DMD: variants seen among roughly 807,000 people sequenced by gnomAD.
DMD encodes the protein dystrophin, also known as mutant dystrophin.
A neutral mutation model predicts 330.1 loss-of-function variants in DMD; 63 were observed. The ratio of observed to expected loss-of-function variants is 0.19; its 90% CI spans 0.16 to 0.24. DMD has a LOEUF of 0.24. Ranked by LOEUF, DMD falls within the 10% of genes least tolerant of loss-of-function variation. DMD has a pLI of 1.00. For missense variants in DMD, 3,344 were observed against 2,684.1 expected (o/e 1.25, Z -5.43); for synonymous variants, 1,223 against 959.8 (o/e 1.27, Z -5.07).
intron 2 of DMD, among the ~76,000 whole-genome samples, chrX:32,995,235 T>G (rs1314366171): frequency 8.9e-6 from 1 of 112,767 alleles, no homozygotes; most frequent in African/African-American, 3.2e-5. Context: ...TTTAGTTACT[T>G]TTAGGTTTAA....
intron 12 of DMD, among the ~76,000 whole-genome samples, chrX:32,602,470 G>A (rs1330130532): frequency 9.0e-6 from 1 of 111,728 alleles, no homozygotes; most frequent in Non-Finnish European, 1.9e-5. Context: ...GTTTCAGGCA[G>A]AGCACAGAGG....
intron 60 of DMD, among the ~76,000 whole-genome samples, chrX:31,422,313 T>C (rs982143677): frequency 1.8e-5 from 2 of 111,061 alleles, no homozygotes; most frequent in Admixed American, 1.9e-4. Context: ...CCTGGCCAGA[T>C]TGCAGGTATC....
chrX:31,379,038 G>T (rs921587469), intron 60 of DMD, among the ~76,000 whole-genome samples: 1 of 109,870 alleles, frequency 9.1e-6, no homozygotes, highest in African/African-American at 3.3e-5. Flanking sequence ...TTACACATCT[G>T]CCCCTCCCCA....
At chrX:32,723,091 G>A (rs1388671783) in intron 7 of DMD, among the ~76,000 whole-genome samples, 3 of 111,256 alleles carry the variant, frequency 2.7e-5, no homozygotes, top group African/African-American at 6.5e-5. Flanking sequence ...TAGCCTTGAT[G>A]TTGAGGAAAT....
At chrX:31,949,432 G>A (rs1483460471) in intron 45 of DMD, among the ~76,000 whole-genome samples, 1 of 111,196 alleles carries the variant, frequency 9.0e-6, no homozygotes, top group African/African-American at 3.3e-5. Flanking sequence ...TATTTTCTTA[G>A]TATCATTTTC....
At chrX:31,784,986 A>G (rs970290999) in intron 50 of DMD, among the ~76,000 whole-genome samples, 30 of 112,170 alleles carry the variant, frequency 2.7e-4, no homozygotes, top group African/African-American at 9.4e-4. Context: ...TTGCACACTC[A>G]TATTAACTGC....
intron 7 of DMD, among the ~76,000 whole-genome samples, chrX:32,733,353 A>C (rs2148069502): frequency 9.1e-6 from 1 of 109,749 alleles, no homozygotes; most frequent in Non-Finnish European, 1.9e-5. Flanking sequence ...AGACAGATCA[A>C]CGAGACAGAA....
chrX:31,341,891 GCACACACA>G (rs58867858), intron 61 of DMD, among the ~76,000 whole-genome samples: 13 of 98,892 alleles, frequency 1.3e-4, no homozygotes, highest in African/African-American at 2.9e-4. Context: ...GTGCGCGCGC[GCACACACA>G]CACACACACA....
rs754113572 is a variant in DMD at position 31,707,069 on chromosome X, T to A, written c.7660+22562A>T. ...ACCTTTTAATCTCGTTGTTTTTTTTTAAATCTTTTTATTTTTTCTCTGCTA... is the reference window on the plus strand; with the variant it reads ...ACCTTTTAATCTCGTTGTTTTTTTTAAAATCTTTTTATTTTTTCTCTGCTA... On this transcript the variant is annotated intron_variant, in intron 52 of 78. Coordinates refer to ENST00000357033, the MANE Select transcript of DMD (RefSeq NM_004006.3). 3.3e-4 allele frequency among the ~76,000 whole-genome samples: 37 copies of A among 111,182 alleles called. 1 individual carries two copies. Among genetic ancestry groups the A allele is most frequent in the Non-Finnish European group, 4.2e-4 (22 of 52,952 alleles).
chrX:32,177,496 T>C (rs1003726307), intron 44 of DMD, among the ~76,000 whole-genome samples: 6 of 111,905 alleles, frequency 5.4e-5, no homozygotes, highest in Non-Finnish European at 1.1e-4. Flanking sequence ...CATAGAAAAA[T>C]TTCCACCACC....
At chrX:31,990,057 C>T (rs12014066) in intron 44 of DMD, among the ~76,000 whole-genome samples, 3,102 of 111,871 alleles carry the variant, frequency 0.028, 110 homozygotes, top group African/African-American at 0.092. Flanking sequence ...GGTTTCTTTA[C>T]GCATTCTCAA....
intron 1 of DMD, among the ~76,000 whole-genome samples, chrX:33,168,209 C>A (rs944218951): frequency 2.7e-5 from 3 of 110,938 alleles, no homozygotes; most frequent in Non-Finnish European, 5.7e-5. Flanking sequence ...TTGGTAAAAT[C>A]ACGTTTATGG....
chrX:32,387,939 G>A (rs138335812), intron 32 of DMD, among the ~76,000 whole-genome samples: 1,311 of 111,259 alleles, frequency 0.012, 9 homozygotes, highest in South Asian at 0.074. Context: ...ATAAACAAAG[G>A]GGAGAAATAT....
intron 9 of DMD, among the ~76,000 whole-genome samples, chrX:32,684,827 A>T (rs1481127605): frequency 9.0e-6 from 1 of 110,964 alleles, no homozygotes; most frequent in Non-Finnish European, 1.9e-5. Flanking sequence ...TTATTGATTT[A>T]TCAGCATTAT....
At chrX:32,972,665 G>A (rs921919355) in intron 2 of DMD, among the ~76,000 whole-genome samples, 1 of 112,140 alleles carries the variant, frequency 8.9e-6, no homozygotes, top group African/African-American at 3.2e-5. Context: ...ATAGGCTTTG[G>A]AGCCTGAGCA....
At chrX:31,628,072 G>C (rs2078943700) in intron 54 of DMD, among the ~76,000 whole-genome samples, 3 of 110,894 alleles carry the variant, frequency 2.7e-5, no homozygotes, top group African/African-American at 9.8e-5. Flanking sequence ...GTTTGTATGG[G>C]GGAAGGCATG....
intron 1 of DMD, among the ~76,000 whole-genome samples, chrX:33,113,711 T>C (rs2095359018): frequency 9.0e-6 from 1 of 111,614 alleles, no homozygotes; most frequent in African/African-American, 3.3e-5. Context: ...CATGATATTA[T>C]TTTGGTTAAT....
intron 7 of DMD, among the ~76,000 whole-genome samples, chrX:32,710,341 C>G (rs2065076863): frequency 9.1e-6 from 1 of 110,206 alleles, no homozygotes; most frequent in Admixed American, 9.7e-5. Flanking sequence ...ACCTCAGCTT[C>G]CTATTGTATT....
At chrX:33,152,919 A>G (rs1001216133) in intron 1 of DMD, among the ~76,000 whole-genome samples, 3 of 112,556 alleles carry the variant, frequency 2.7e-5, no homozygotes, top group African/African-American at 9.7e-5. Context: ...AAAAAGCAGC[A>G]ATCCCATTGA....
Sources: allele counts gnomAD v4.1 joint callset (sites outside exome capture counted in the v4.1 genomes callset), GRCh38; gene constraint gnomAD v4.1.1; transcripts MANE v1.5; gene names NCBI Gene and HGNC (gene_info 2026-07-23, HGNC 2026-07-21).